Variants in ATPAF2 observed in about 807,000 individuals in gnomAD.
The protein encoded by ATPAF2 is ATP synthase mitochondrial F1 complex assembly factor 2, also known as ATP12 homolog.
A neutral mutation model predicts 36.6 loss-of-function variants in ATPAF2; 30 were observed. The observed-to-expected ratio is 0.82, with a 90% CI of 0.61 to 1.11. The LOEUF (loss-of-function observed/expected upper bound fraction) is 1.11. Among genes scored for constraint, ATPAF2 ranks in the 50% most tolerant of loss-of-function variants. The probability of loss-of-function intolerance (pLI) is 0.00; values close to 1 mark genes in which losing one functional copy is unlikely to be tolerated. For missense variants in ATPAF2, 321 were observed against 372.3 expected (o/e 0.86, Z 1.13); for synonymous variants, 140 against 152.6 (o/e 0.92, Z 0.61).
rs1361779973 is a variant in ATPAF2, at chr17:18,018,416, G to T, written c.*133C>A. ...CGTACTAGCGCACTGTGTCTCGGGG[G>T]GAATCTCAGGGTGACGCTGAGGCCG... On this transcript the variant is annotated 3_prime_UTR_variant, in exon 8 of 8. Transcript: ENST00000474627. 5.4e-6 allele frequency: 7 copies of T among 1,294,584 alleles called. No homozygotes were observed. Among genetic ancestry groups the T allele is most frequent in the Non-Finnish European group, 6.6e-6 (6 of 908,946 alleles). 80.2% of individuals were successfully genotyped at this position (1,294,584 alleles called of 1,614,324 possible). A position where few individuals can be genotyped will look rare whatever the true frequency, so the allele number is the denominator to read the frequency against.
intron 7 of ATPAF2, 37 bp from the exon 8 acceptor site, chr17:18,018,723 C>G: frequency 1.2e-6 from 2 of 1,613,492 alleles, no homozygotes; most frequent in East Asian, 4.5e-5. Context: ...GGGTGAGTGG[C>G]CAGTGCCTGG....
At chr17:18,029,180 A>G (rs1399988834) in intron 1 of ATPAF2, among the ~76,000 whole-genome samples, 1 of 152,184 alleles carries the variant, frequency 6.6e-6, no homozygotes, top group Non-Finnish European at 1.5e-5. Context: ...TAATTAACCT[A>G]ATTAACCAGC....
rs1014873637 is a variant in ATPAF2 at position 18,024,550 on chromosome 17, G to A, written c.503+74C>T. On this transcript the variant is annotated intron_variant, in intron 5 of 7. Coordinates refer to ENST00000474627, the MANE Select transcript of ATPAF2 (RefSeq NM_145691.4). ...TAGCTAAGGGCACTAGTTTTCCAGC[G>A]TGACCCCCTGACCCCTACACTCCAC... 1.5e-5 allele frequency: 20 copies of A among 1,294,682 alleles called. No individual in the cohort carries two copies. The African/African-American group carries it at 1.6e-4, about 10-fold the overall frequency. The allele number at this position is 1,294,682 out of a possible 1,614,324, so 80.2% of individuals were successfully genotyped here.
At chr17:18,029,588 T>C (rs1292354064) in intron 1 of ATPAF2, among the ~76,000 whole-genome samples, 3 of 151,682 alleles carry the variant, frequency 2.0e-5, no homozygotes, top group Non-Finnish European at 4.4e-5. Flanking sequence ...TATTTATTTA[T>C]TTTATTATTA....
At chr17:18,022,969 C>CA (rs1382383064) in intron 5 of ATPAF2, among the ~76,000 whole-genome samples, 2 of 151,170 alleles carry the variant, frequency 1.3e-5, no homozygotes, top group Non-Finnish European at 3.0e-5. Flanking sequence ...ACTAAAAATA[C>CA]AAAAAAAATT....
intron 6 of ATPAF2, 143 bp downstream of exon 6, chr17:18,021,600 CAG>C (rs1472039964): frequency 1.3e-6 from 1 of 786,012 alleles, no homozygotes; most frequent in Non-Finnish European, 2.3e-6. Context: ...TGGCTAGCAT[CAG>C]AGCCACCCAG....
chr17:18,025,018 C>T, intron 4 of ATPAF2: 1 of 413,898 alleles, frequency 2.4e-6, no homozygotes, highest in South Asian at 2.1e-5. Context: ...AACCACTACC[C>T]TAAATGCCCC....
At chr17:18,036,790 T>C (rs2145526984) in intron 1 of ATPAF2, among the ~76,000 whole-genome samples, 1 of 152,002 alleles carries the variant, frequency 6.6e-6, no homozygotes, top group South Asian at 2.1e-4. Flanking sequence ...TAACCCTTTG[T>C]GGTCAGGCAT....
At chr17:18,026,827 T>C in intron 3 of ATPAF2, 1 of 238,772 alleles carries the variant, frequency 4.2e-6, no homozygotes, top group Non-Finnish European at 8.3e-6. Context: ...TAATAAGACA[T>C]GTATTAGTGA....
At chr17:18,035,770 G>A (rs2044694632) in intron 1 of ATPAF2, among the ~76,000 whole-genome samples, 1 of 152,200 alleles carries the variant, frequency 6.6e-6, no homozygotes, top group South Asian at 2.1e-4. Flanking sequence ...TGGCAGGCTG[G>A]ACCCTGATCT....
chr17:18,024,263 C>T (rs1032040064), intron 5 of ATPAF2, among the ~76,000 whole-genome samples: 3 of 152,162 alleles, frequency 2.0e-5, no homozygotes, highest in Admixed American at 2.0e-4. Flanking sequence ...ACTCATTAGC[C>T]AAGTCACACA....
At chr17:18,019,387 G>A (rs745986298) in intron 7 of ATPAF2, among the ~76,000 whole-genome samples, 12 of 152,338 alleles carry the variant, frequency 7.9e-5, no homozygotes, top group Non-Finnish European at 1.6e-4. Flanking sequence ...CTTCCTCCCA[G>A]AAAGCCTGTG....
At chr17:18,020,829 T>G in intron 7 of ATPAF2, 1 of 407,402 alleles carries the variant, frequency 2.5e-6, no homozygotes, top group African/African-American at 2.1e-5. Flanking sequence ...CAGGTGCTAA[T>G]TTTTGTATTT....
At chr17:18,030,725 T>C (rs1158144653) in intron 1 of ATPAF2, among the ~76,000 whole-genome samples, 2 of 146,698 alleles carry the variant, frequency 1.4e-5, no homozygotes, top group African/African-American at 2.5e-5. Context: ...TGGAGTGCAG[T>C]AGCGCGATCT....
intron 1 of ATPAF2, among the ~76,000 whole-genome samples, chr17:18,029,905 G>T (rs1356038357): frequency 1.2e-5 from 1 of 80,618 alleles, no homozygotes; most frequent in African/African-American, 5.3e-5. Flanking sequence ...AAAAAAAAAA[G>T]GCTGGTCGCA....
At position 18,038,852 on chromosome 17, in the gene ATPAF2, C is replaced by T. The variant is rs1187698009; in HGVS notation, c.133+29G>A. 6 of 1,612,544 alleles carry T rather than the reference C, an allele frequency of 3.7e-6. No homozygotes were observed. The African/African-American group carries it at 6.7e-5, about 18-fold the overall frequency. On this transcript the variant is annotated intron_variant, in intron 1 of 7. Transcript: ENST00000474627. The stretch of plus-strand genomic sequence containing the variant: ...AGCCCACCTTACCCCAGCTCGGCCC[C>T]AACCCAAAAGAACATGTCATGGTCT...
chr17:18,036,034 A>C lies in ATPAF2; in HGVS notation c.133+2847T>G, dbSNP rs572435987. ...CCTCTGATAAGCTGGTGCAGAACTA[A>C]ACTGCCACAACAACCTCATATAGGT... On this transcript the variant is annotated intron_variant, in intron 1 of 7. Transcript: ENST00000474627. 5.9e-5 allele frequency among the ~76,000 whole-genome samples: 9 copies of C among 152,278 alleles called. No homozygotes were observed. The South Asian group carries it at 1.7e-3, about 28-fold the overall frequency.
At chr17:18,037,850 C>T (rs573394291) in intron 1 of ATPAF2, among the ~76,000 whole-genome samples, 2 of 152,330 alleles carry the variant, frequency 1.3e-5, no homozygotes, top group African/African-American at 2.4e-5. Flanking sequence ...ACCCTGGACA[C>T]GTTCTAGATA....
rs371239313 is a variant in ATPAF2 at position 18,022,672 on chromosome 17, G to A, written c.504-815C>T. 1.9e-4 allele frequency among the ~76,000 whole-genome samples: 28 copies of A among 146,430 alleles called. No individual in the cohort carries two copies. The East Asian group carries it at 4.2e-3, about 22-fold the overall frequency. On this transcript the variant is annotated intron_variant, in intron 5 of 7. Coordinates refer to ENST00000474627, the MANE Select transcript of ATPAF2 (RefSeq NM_145691.4). ...GGCTGAAGTGCAGTGGCATGATCTC[G>A]GCTCACTGCGACCTCCGCCTCCTGA... is the stretch of plus-strand genomic sequence containing the variant.
Sources: gnomAD v4.1 joint callset for allele counts (sites outside exome capture counted in the v4.1 genomes callset) on GRCh38, gnomAD v4.1.1 for gene constraint, MANE v1.5 for transcripts, NCBI Gene and HGNC (gene_info 2026-07-23, HGNC 2026-07-21) for gene names.